Variants in CELF4 observed in about 807,000 individuals in gnomAD.
CELF4 encodes CUGBP Elav-like family member 4, also known as CUG-BP- and ETR-3-like factor 4.
CELF4 carries 18 observed loss-of-function variants against 59.9 expected under a neutral mutation model. The observed-to-expected ratio is 0.30, with a 90% CI of 0.21 to 0.45. CELF4 has a LOEUF of 0.45. Ranked by LOEUF, CELF4 falls within the 20% of genes least tolerant of loss-of-function variation. CELF4 has a pLI of 1.00. For synonymous variants in CELF4, 261 were observed against 267.1 expected (o/e 0.98, Z 0.22); for missense variants, 456 against 689.0 (o/e 0.66, Z 3.79).
rs1309843551 is a variant in CELF4 at position 37,387,465 on chromosome 18, C to A, written c.370-65584G>T. On this transcript the variant is annotated intron_variant, in intron 2 of 12. Coordinates refer to ENST00000420428, the MANE Select transcript of CELF4 (RefSeq NM_020180.4). The stretch of plus-strand genomic sequence containing the variant: ...CCTCTTCTCACGGGAGGCTGTTGTT[C>A]AATCCTGGAGATTCAGGATCCAGGG... 2.0e-5 allele frequency among the ~76,000 whole-genome samples: 3 copies of A among 152,210 alleles called. No individual in the cohort carries two copies. The East Asian group carries it at 5.8e-4, about 29-fold the overall frequency.
chr18:37,365,826 C>T (rs1419662468), intron 2 of CELF4, among the ~76,000 whole-genome samples: 5 of 152,084 alleles, frequency 3.3e-5, no homozygotes, highest in African/African-American at 1.2e-4. Flanking sequence ...CAGCCGGACA[C>T]CAGATCAACT....
chr18:37,470,871 T>TGAGAGAGAGA (rs1406176161), intron 2 of CELF4, among the ~76,000 whole-genome samples: 3 of 117,150 alleles, frequency 2.6e-5, no homozygotes, highest in South Asian at 3.1e-4. Context: ...TGTGTGTGTG[T>TGAGAGAGAGA]GTGTGTGTGT....
chr18:37,435,059 C>T (rs937797114), intron 2 of CELF4, among the ~76,000 whole-genome samples: 5 of 152,126 alleles, frequency 3.3e-5, no homozygotes, highest in African/African-American at 9.7e-5. Flanking sequence ...AGTAACTGTT[C>T]TCTTCCAGCC....
At chr18:37,286,541 C>T (rs757404111) in intron 3 of CELF4, among the ~76,000 whole-genome samples, 10 of 152,190 alleles carry the variant, frequency 6.6e-5, no homozygotes, top group Non-Finnish European at 1.2e-4. Flanking sequence ...TGGGGGCGGC[C>T]GTGCAAACCC....
At chr18:37,456,130 T>G (rs1281666886) in intron 2 of CELF4, among the ~76,000 whole-genome samples, 1 of 152,190 alleles carries the variant, frequency 6.6e-6, no homozygotes, top group Non-Finnish European at 1.5e-5. Flanking sequence ...TGCTGGCACC[T>G]TCCTCTTTGG....
At chr18:37,494,111 A>G (rs2099922136) in intron 1 of CELF4, among the ~76,000 whole-genome samples, 1 of 152,230 alleles carries the variant, frequency 6.6e-6, no homozygotes, top group South Asian at 2.1e-4. Context: ...GCTCTGGACA[A>G]GGAGGTGCAG....
At chr18:37,485,256 T>C (rs1017182725) in intron 2 of CELF4, among the ~76,000 whole-genome samples, 10 of 151,200 alleles carry the variant, frequency 6.6e-5, no homozygotes, top group African/African-American at 2.4e-4. Context: ...CAGCTCCCGC[T>C]CCGGGGACCC....
At chr18:37,555,571 T>G (rs1228038851) in intron 1 of CELF4, among the ~76,000 whole-genome samples, 1 of 152,172 alleles carries the variant, frequency 6.6e-6, no homozygotes, top group Non-Finnish European at 1.5e-5. Context: ...TTCCGGCTAT[T>G]GCTGTGGAGT....
In CELF4 at chr18:37,435,433, G is replaced by A. The variant is rs571092105; in HGVS notation, c.369+50092C>T. ...AATGGTTCTAGTCTGGGTCTGGGGT[G>A]GGGCTGCCCCTTTTGGCTCCTAGCA... On this transcript the variant is annotated intron_variant, in intron 2 of 12. Coordinates refer to ENST00000420428, the MANE Select transcript of CELF4 (RefSeq NM_020180.4). Among the ~76,000 whole-genome samples, 11 of 152,228 alleles carry A rather than the reference G, an allele frequency of 7.2e-5. No homozygotes were observed. In the East Asian group the frequency reaches 2.1e-3, roughly 29 times the overall value.
chr18:37,422,059 G>C (rs1026363381), intron 2 of CELF4, among the ~76,000 whole-genome samples: 1 of 152,326 alleles, frequency 6.6e-6, no homozygotes, highest in South Asian at 2.1e-4. Context: ...AAGACACGGC[G>C]CTCAGTTGTG....
At chr18:37,490,021 T>C (rs1436348702) in intron 1 of CELF4, among the ~76,000 whole-genome samples, 1 of 152,154 alleles carries the variant, frequency 6.6e-6, no homozygotes, top group Non-Finnish European at 1.5e-5. Context: ...ACCACCTAAA[T>C]GTCCCTTAGG....
At chr18:37,249,832 T>C (rs2064329540) in intron 12 of CELF4, among the ~76,000 whole-genome samples, 1 of 152,084 alleles carries the variant, frequency 6.6e-6, no homozygotes, top group South Asian at 2.1e-4. Context: ...TAAAATCAGC[T>C]GGTCTCAAGC....
chr18:37,312,131 GAAAAAA>G lies in CELF4; in HGVS notation c.448+9666_448+9671del, dbSNP rs11309116. 5.7e-4 allele frequency among the ~76,000 whole-genome samples: 65 copies of G among 113,082 alleles called. 2 individuals carry two copies. Among genetic ancestry groups the G allele is most frequent in the African/African-American group, 1.9e-3 (56 of 28,790 alleles). 74.2% of individuals were successfully genotyped at this position (113,082 alleles called of 152,430 possible). ...GTCTCAAAAAAAAAAAAAAAAAAAA[GAAAAAA>G]AAAAAAAGAAGGAACAGGGATCATT... On this transcript the variant is annotated intron_variant, in intron 3 of 12. Transcript: ENST00000420428.
At chr18:37,304,689 G>A (rs113866000) in intron 3 of CELF4, among the ~76,000 whole-genome samples, 98 of 152,358 alleles carry the variant, frequency 6.4e-4, no homozygotes, top group African/African-American at 2.2e-3. Context: ...GGGGTGAGGA[G>A]AACAGAACCA....
rs112755950 is a variant in CELF4 at position 37,371,624 on chromosome 18, C to T, written c.370-49743G>A. On this transcript the variant is annotated intron_variant, in intron 2 of 12. Coordinates refer to ENST00000420428, the MANE Select transcript of CELF4 (RefSeq NM_020180.4). ...GCTCCTAGTGTAGGCTTTCTTGATT[C>T]GTTGTTGAGAAAGGGAGAGAAGAGG... is the stretch of plus-strand genomic sequence containing the variant. Among the ~76,000 whole-genome samples the T allele has an allele frequency of 5.3e-4, 80 of 152,262 alleles. 1 individual carries two copies. Among genetic ancestry groups the T allele is most frequent in the African/African-American group, 1.9e-3 (78 of 41,566 alleles).
chr18:37,283,957 T>A (rs55721546), intron 3 of CELF4, among the ~76,000 whole-genome samples: 1,138 of 1,424 alleles, frequency 0.8, 551 homozygotes, highest in South Asian at 0.97. Context: ...CATATACCCC[T>A]ACATACATAG....
At chr18:37,277,345 G>C (rs939821368) in intron 3 of CELF4, among the ~76,000 whole-genome samples, 2 of 152,226 alleles carry the variant, frequency 1.3e-5, no homozygotes, top group African/African-American at 4.8e-5. Flanking sequence ...CCTGCCTCAA[G>C]CTGCTCTTCT....
At chr18:37,288,755 G>A (rs1483522710) in intron 3 of CELF4, among the ~76,000 whole-genome samples, 1 of 152,180 alleles carries the variant, frequency 6.6e-6, no homozygotes, top group African/African-American at 2.4e-5. Context: ...GAGATTGTGA[G>A]GGGGAGAGTT....
intron 2 of CELF4, among the ~76,000 whole-genome samples, chr18:37,436,288 C>T (rs555514724): frequency 2.6e-5 from 4 of 152,334 alleles, no homozygotes; most frequent in Admixed American, 2.0e-4. Flanking sequence ...TCGAGATGCC[C>T]TCAAATGCTC....
Sources: allele counts gnomAD v4.1 joint callset (sites outside exome capture counted in the v4.1 genomes callset), GRCh38; gene constraint gnomAD v4.1.1; transcripts MANE v1.5; gene names NCBI Gene and HGNC (gene_info 2026-07-23, HGNC 2026-07-21).